The following PLXNA4 variants were observed in gnomAD, a reference collection of about 807,000 sequenced individuals.
PLXNA4 encodes the protein plexin-A4.
Under a neutral mutation model 191.8 loss-of-function variants are expected in PLXNA4, and 44 were observed. The ratio of observed to expected loss-of-function variants is 0.23; its 90% CI spans 0.18 to 0.29. The LOEUF is 0.29. PLXNA4 is among the 10% of genes least tolerant of loss of function. PLXNA4 has a pLI of 1.00. For synonymous variants in PLXNA4, 1,082 were observed against 1,009.5 expected (o/e 1.07, Z -1.36); for missense variants, 1,800 against 2,488.8 (o/e 0.72, Z 5.89).
Position 132,181,625 on chromosome 7 carries a change from G to T in PLXNA4, c.3253-5C>A. 1 of 1,613,688 alleles carries T rather than the reference G, an allele frequency of 6.2e-7. No homozygotes were observed. The highest frequency in any genetic ancestry group is 1.1e-5 in the South Asian group (1 of 91,050). Reference sequence around the variant, plus strand: ...AGCGTTCAGAACCTCACAGATCTGTGGGAGGAGCCACAGAGTGGAGTCTAT... The same window carrying T: ...AGCGTTCAGAACCTCACAGATCTGTTGGAGGAGCCACAGAGTGGAGTCTAT... On this transcript the variant is annotated splice_region_variant and splice_polypyrimidine_tract_variant and intron_variant, in intron 17 of 31. Coordinates refer to ENST00000321063, the MANE Select transcript of PLXNA4 (RefSeq NM_020911.2).
intron 3 of PLXNA4, among the ~76,000 whole-genome samples, chr7:132,454,646 G>A (rs1179406331): frequency 6.6e-6 from 1 of 151,948 alleles, no homozygotes; most frequent in African/African-American, 2.4e-5. Context: ...TCTTTAAAGA[G>A]GTCATTCAGT....
chr7:132,197,032 T>C (rs1797274364), intron 13 of PLXNA4, among the ~76,000 whole-genome samples: 4 of 152,222 alleles, frequency 2.6e-5, no homozygotes, highest in Non-Finnish European at 2.9e-5. Flanking sequence ...CTTGCAATGA[T>C]TTTTGATGCA....
At chr7:132,449,895 C>A (rs1796056533) in intron 3 of PLXNA4, among the ~76,000 whole-genome samples, 4 of 152,238 alleles carry the variant, frequency 2.6e-5, no homozygotes, top group Non-Finnish European at 4.4e-5. Context: ...TTGGAAAATG[C>A]TCATGCATCC....
chr7:132,428,214 TTCC>T (rs1365171600), intron 3 of PLXNA4, among the ~76,000 whole-genome samples: 1 of 152,094 alleles, frequency 6.6e-6, no homozygotes, highest in Non-Finnish European at 1.5e-5. Context: ...GAGGGTCCCT[TTCC>T]TGGGGCTCTG....
In PLXNA4 at chr7:132,410,919, G is replaced by C. The variant is rs1794432593; in HGVS notation, c.1371+78373C>G. On this transcript the variant is annotated intron_variant, in intron 3 of 31. Coordinates refer to ENST00000321063, the MANE Select transcript of PLXNA4 (RefSeq NM_020911.2). ...CCCAAACCTCAGACGTGAGCCCCAG[G>C]AGATACCAGCCTGTACAGCAAGCCC... Among the ~76,000 whole-genome samples, 3 of 152,110 alleles carry C rather than the reference G, an allele frequency of 2.0e-5. No homozygotes were observed. In the South Asian group the frequency reaches 6.2e-4, roughly 32 times the overall value.
chr7:132,290,435 G>A (rs1466169756), intron 4 of PLXNA4, among the ~76,000 whole-genome samples: 2 of 152,188 alleles, frequency 1.3e-5, no homozygotes, highest in Non-Finnish European at 2.9e-5. Flanking sequence ...TCCCAGCTCT[G>A]CCACCTCATC....
At chr7:132,390,522 A>T (rs759238874) in intron 3 of PLXNA4, among the ~76,000 whole-genome samples, 36 of 152,294 alleles carry the variant, frequency 2.4e-4, no homozygotes, top group South Asian at 8.3e-4. Context: ...CTATGTAACA[A>T]ACCTGCACGT....
At chr7:132,241,488 A>G (rs1327299217) in intron 4 of PLXNA4, among the ~76,000 whole-genome samples, 1 of 152,198 alleles carries the variant, frequency 6.6e-6, no homozygotes, top group Non-Finnish European at 1.5e-5. Context: ...ACCACCAAAT[A>G]TCTCTACAAA....
intron 2 of PLXNA4, among the ~76,000 whole-genome samples, chr7:132,632,383 C>T (rs1190998317): frequency 6.6e-6 from 1 of 152,038 alleles, no homozygotes; most frequent in Non-Finnish European, 1.5e-5. Context: ...CACATTAACT[C>T]ATTTGATCCT....
At chr7:132,524,721 C>A (rs1431698346) in intron 1 of PLXNA4, among the ~76,000 whole-genome samples, 1 of 152,048 alleles carries the variant, frequency 6.6e-6, no homozygotes, top group African/African-American at 2.4e-5. Context: ...GTGCCCATCA[C>A]CACGCCCAGC....
chr7:132,640,824 A>G (rs908438619), intron 2 of PLXNA4, among the ~76,000 whole-genome samples: 3 of 151,434 alleles, frequency 2.0e-5, no homozygotes, highest in African/African-American at 7.3e-5. Flanking sequence ...ATTACTTCTT[A>G]TCACTTAGAA....
intron 3 of PLXNA4, among the ~76,000 whole-genome samples, chr7:132,389,178 T>G (rs1332884088): frequency 2.0e-5 from 3 of 152,272 alleles, no homozygotes; most frequent in African/African-American, 7.2e-5. Flanking sequence ...CTTTGTCAGA[T>G]GGATAGATTG....
chr7:132,529,868 G>A lies in PLXNA4; in HGVS notation c.-86-21089C>T, dbSNP rs111625292. ...GATCCGCCTGCCTCGGCCTCCCAAA[G>A]TGCTGGGATTACAGGCGTGAGCCAC... is the stretch of plus-strand genomic sequence containing the variant. On this transcript the variant is annotated intron_variant, in intron 1 of 31. Coordinates refer to ENST00000321063, the MANE Select transcript of PLXNA4 (RefSeq NM_020911.2). 9.0e-3 allele frequency among the ~76,000 whole-genome samples: 1,366 copies of A among 152,320 alleles called. 12 individuals carry two copies. Among genetic ancestry groups the A allele is most frequent in the Admixed American group, 0.011 (168 of 15,304 alleles).
intron 3 of PLXNA4, among the ~76,000 whole-genome samples, chr7:132,467,064 A>T (rs1458166290): frequency 6.6e-6 from 1 of 152,164 alleles, no homozygotes; most frequent in Non-Finnish European, 1.5e-5. Context: ...TGCTCCACAC[A>T]TGGAAAAGCC....
rs906249955 is a variant in PLXNA4 at position 132,127,840 on chromosome 7, T to TAACAA, written c.*2634_*2638dup. 1.3e-5 allele frequency: 2 copies of TAACAA among 148,702 alleles called. No individual in the cohort carries two copies. The highest frequency in any genetic ancestry group is 4.8e-5 in the African/African-American group (2 of 41,286). 9.2% of individuals were successfully genotyped at this position (148,702 alleles called of 1,614,324 possible). A position where few individuals can be genotyped will look rare whatever the true frequency, so the allele number is the denominator to read the frequency against. On this transcript the variant is annotated 3_prime_UTR_variant, in exon 32 of 32. Transcript: ENST00000321063. ...TCTGAGGTGTTTGAAATTTTTCTTA[T>TAACAA]AACAAAAACATGGAATAAAATAAAG...
At chr7:132,409,188 C>A (rs1056739524) in intron 3 of PLXNA4, among the ~76,000 whole-genome samples, 41 of 152,108 alleles carry the variant, frequency 2.7e-4, no homozygotes, top group African/African-American at 9.9e-4. Flanking sequence ...GGCAGCTGCC[C>A]TGTGAAGCCA....
At position 132,478,206 on chromosome 7, in the gene PLXNA4, A is replaced by G. The variant is rs1797204685; in HGVS notation, c.1371+11086T>C. On this transcript the variant is annotated intron_variant, in intron 3 of 31. Transcript: ENST00000321063. ...CTAAACCTCCCTGGATCTAAGAAAG[A>G]CTCATTCTCTAAGTGAGGTTTAAGA... 2.0e-5 allele frequency among the ~76,000 whole-genome samples: 3 copies of G among 152,302 alleles called. No homozygotes were observed. The South Asian group carries it at 6.2e-4, about 32-fold the overall frequency.
chr7:132,397,245 C>A (rs1793805415), intron 3 of PLXNA4, among the ~76,000 whole-genome samples: 1 of 152,210 alleles, frequency 6.6e-6, no homozygotes, highest in Non-Finnish European at 1.5e-5. Context: ...GATTCTGATG[C>A]AATTCTGGAT....
chr7:132,387,803 C>G (rs192523199), intron 3 of PLXNA4, among the ~76,000 whole-genome samples: 5 of 152,224 alleles, frequency 3.3e-5, no homozygotes, highest in Admixed American at 2.0e-4. Flanking sequence ...GTCTACTTAG[C>G]TGGTTGACTG....
Sources: gnomAD v4.1 joint callset for allele counts (sites outside exome capture counted in the v4.1 genomes callset) on GRCh38, gnomAD v4.1.1 for gene constraint, MANE v1.5 for transcripts, NCBI Gene and HGNC (gene_info 2026-07-23, HGNC 2026-07-21) for gene names.